CDH10: variants seen among roughly 807,000 people sequenced by gnomAD.
CDH10 encodes the protein cadherin-10.
CDH10 carries 30 observed loss-of-function variants against 73.1 expected under a neutral mutation model. The observed-to-expected ratio is 0.41, with a 90% CI of 0.31 to 0.56. The LOEUF is 0.56. Among genes scored for constraint, CDH10 ranks in the 20% least tolerant of loss-of-function variants. The pLI is 0.27. For synonymous variants in CDH10, 345 were observed against 348.2 expected (o/e 0.99, Z 0.10); for missense variants, 815 against 973.7 (o/e 0.84, Z 2.17).
chr5:24,607,557 A>G (rs1429240080), intron 1 of CDH10, among the ~76,000 whole-genome samples: 4 of 152,220 alleles, frequency 2.6e-5, no homozygotes, highest in African/African-American at 4.8e-5. Context: ...AGCTTACAAC[A>G]ATCCCTGGCA....
chr5:24,508,455 A>G (rs1742776358), intron 7 of CDH10, among the ~76,000 whole-genome samples: 1 of 127,286 alleles, frequency 7.9e-6, no homozygotes, highest in African/African-American at 2.4e-5. Flanking sequence ...GAAACCTCTC[A>G]ACTTTGATGG....
intron 2 of CDH10, among the ~76,000 whole-genome samples, chr5:24,552,389 CAATAT>C (rs544361474): frequency 1.3e-5 from 2 of 151,950 alleles, no homozygotes; most frequent in South Asian, 4.2e-4. Flanking sequence ...TAATTATAAT[CAATAT>C]AATAAATAAG....
chr5:24,534,235 G>C (rs1743858000), intron 5 of CDH10, among the ~76,000 whole-genome samples: 1 of 151,910 alleles, frequency 6.6e-6, no homozygotes, highest in Non-Finnish European at 1.5e-5. Context: ...AAAATGGTGG[G>C]GGGACCAATT....
At chr5:24,606,788 T>C (rs1746777390) in intron 1 of CDH10, among the ~76,000 whole-genome samples, 1 of 152,186 alleles carries the variant, frequency 6.6e-6, no homozygotes, top group Non-Finnish European at 1.5e-5. Context: ...GAAGCAAAAC[T>C]TACTACATAT....
At chr5:24,577,120 G>T (rs953671334) in intron 2 of CDH10, among the ~76,000 whole-genome samples, 1 of 149,882 alleles carries the variant, frequency 6.7e-6, no homozygotes, top group Non-Finnish European at 1.5e-5. Context: ...CAGCATAAAA[G>T]AATTTAAGGA....
intron 2 of CDH10, among the ~76,000 whole-genome samples, chr5:24,589,743 T>C (rs981087737): frequency 6.6e-6 from 1 of 152,090 alleles, no homozygotes; most frequent in Non-Finnish European, 1.5e-5. Context: ...TTTGAAATTA[T>C]CTGCTCAACG....
At chr5:24,535,932 A>T in intron 3 of CDH10, 110 bp from the exon 4 acceptor site, 1 of 653,162 alleles carries the variant, frequency 1.5e-6, no homozygotes, top group Non-Finnish European at 2.4e-6. Flanking sequence ...TGACCTCTTA[A>T]AGAAACTTTC....
chr5:24,605,817 T>C (rs375548679), intron 1 of CDH10, among the ~76,000 whole-genome samples: 2 of 152,176 alleles, frequency 1.3e-5, no homozygotes, highest in Non-Finnish European at 2.9e-5. Flanking sequence ...CCAAATGTCC[T>C]CAAATGGGTG....
chr5:24,609,770 T>C lies in CDH10; in HGVS notation c.-123-16157A>G, dbSNP rs538955111. ...GCTCTTTCTTCTTAGATCTCTCCTA[T>C]ACCTTTTCCGGCCTGGCTGGAGTCA... On this transcript the variant is annotated intron_variant, in intron 1 of 11. Coordinates refer to ENST00000264463, the MANE Select transcript of CDH10 (RefSeq NM_006727.5). 3 of 152,508 alleles carry C rather than the reference T, an allele frequency of 2.0e-5. No homozygotes were observed. In the South Asian group the frequency reaches 6.2e-4, roughly 32 times the overall value. 9.4% of individuals were successfully genotyped at this position (152,508 alleles called of 1,614,324 possible).
At chr5:24,537,155 A>G (rs1343117603) in intron 3 of CDH10, among the ~76,000 whole-genome samples, 1 of 151,980 alleles carries the variant, frequency 6.6e-6, no homozygotes, top group Non-Finnish European at 1.5e-5. Context: ...ATTTTTGAGG[A>G]GAGTGTCTAC....
rs78885174 is a variant in CDH10, at chr5:24,500,861, C to G, written c.1394-2342G>C. 7.2e-4 allele frequency among the ~76,000 whole-genome samples: 109 copies of G among 152,204 alleles called. 3 individuals are homozygous for G. In the East Asian group the frequency reaches 0.021, roughly 29 times the overall value. On this transcript the variant is annotated intron_variant, in intron 8 of 11. Coordinates refer to ENST00000264463, the MANE Select transcript of CDH10 (RefSeq NM_006727.5). ...CACCTAATAAAAATACATTAATTAGCCTTTCTACCATTCAAGTGAGTCTGA... is the reference window on the plus strand; with the variant it reads ...CACCTAATAAAAATACATTAATTAGGCTTTCTACCATTCAAGTGAGTCTGA...
At position 24,537,595 on chromosome 5, in the gene CDH10, A is replaced by G; in HGVS notation, c.311T>C (p.Ile104Thr). The G allele has an allele frequency of 6.2e-7, 1 of 1,608,212 alleles. No individual in the cohort carries two copies. The highest frequency in any genetic ancestry group is 8.5e-7 in the Non-Finnish European group (1 of 1,174,900). The change falls in exon 3 of 12, where the codon ATT (isoleucine) becomes ACT (threonine). Residue 104 changes from isoleucine to threonine, a missense_variant. Ile to Thr is a moderately conservative substitution (Grantham distance 89). Around this residue, in one of 3 missense-constraint regions of CDH10, gnomAD observed 516 missense variants for 636.6 expected, o/e 0.81. Transcript: ENST00000264463. ...ATGAATATCACCTGTTTTTTCATCA[A>G]TAATAAAAAGAGTACCAGCTCCATC... ...SGDGAGTLFI[I>T]DEKTGDIHAT...
intron 1 of CDH10, among the ~76,000 whole-genome samples, chr5:24,638,134 G>C (rs778997411): frequency 1.3e-5 from 2 of 151,620 alleles, no homozygotes; most frequent in Non-Finnish European, 3.0e-5. Context: ...TCTCAACTTA[G>C]ATTTTAGGAG....
chr5:24,581,303 C>T (rs10942059), intron 2 of CDH10, among the ~76,000 whole-genome samples: 58,398 of 152,018 alleles, frequency 0.38, 13,647 homozygotes, highest in East Asian at 0.54. Flanking sequence ...TTCATGAAAA[C>T]AGTAACCCCT....
At chr5:24,499,432 T>C (rs1465963356) in intron 8 of CDH10, 5 of 152,620 alleles carry the variant, frequency 3.3e-5, no homozygotes, top group Non-Finnish European at 5.9e-5. Flanking sequence ...GTGGCTGTAA[T>C]CCCAGCATTT....
At chr5:24,510,484 T>C (rs1404419550) in intron 6 of CDH10, among the ~76,000 whole-genome samples, 1 of 152,224 alleles carries the variant, frequency 6.6e-6, no homozygotes, top group Admixed American at 6.5e-5. Context: ...TATGTTTTGT[T>C]AACAGATAAA....
chr5:24,567,900 T>C (rs1194883460), intron 2 of CDH10, among the ~76,000 whole-genome samples: 1 of 152,136 alleles, frequency 6.6e-6, no homozygotes, highest in Admixed American at 6.5e-5. Flanking sequence ...TTTCTTTCTT[T>C]TCCTTTTGTC....
At chr5:24,595,615 G>A (rs1746346222) in intron 1 of CDH10, among the ~76,000 whole-genome samples, 1 of 151,910 alleles carries the variant, frequency 6.6e-6, no homozygotes, top group Admixed American at 6.6e-5. Context: ...TATGTATTAG[G>A]ATGTGCCAGA....
At chr5:24,512,666 T>C (rs1312548087) in intron 5 of CDH10, among the ~76,000 whole-genome samples, 1 of 152,210 alleles carries the variant, frequency 6.6e-6, no homozygotes, top group African/African-American at 2.4e-5. Context: ...TTGGTGTACC[T>C]AGATGTGCTT....
Sources: allele counts gnomAD v4.1 joint callset (sites outside exome capture counted in the v4.1 genomes callset), GRCh38; gene constraint gnomAD v4.1.1; regional missense constraint gnomAD v4.1.1; transcripts MANE v1.5; gene names NCBI Gene and HGNC (gene_info 2026-07-23, HGNC 2026-07-21).